The following NUP98 variants were observed in gnomAD, a reference collection of about 807,000 sequenced individuals.
NUP98 encodes nuclear pore complex protein Nup98-Nup96.
In NUP98, 26 loss-of-function variants were observed where a neutral mutation model predicts 191.9. The ratio of observed to expected loss-of-function variants is 0.14; its 90% CI spans 0.10 to 0.19. NUP98 has a LOEUF of 0.19. NUP98 is among the 10% of genes least tolerant of loss of function. NUP98 has a pLI of 1.00. For missense variants in NUP98, 1,941 were observed against 2,178.8 expected (o/e 0.89, Z 2.17); for synonymous variants, 808 against 778.4 (o/e 1.04, Z -0.63).
At chr11:3,717,873 T>C (rs1181473177) in intron 18 of NUP98, among the ~76,000 whole-genome samples, 1 of 152,182 alleles carries the variant, frequency 6.6e-6, no homozygotes, top group Non-Finnish European at 1.5e-5. Flanking sequence ...CTTGTTAAAG[T>C]GGTATGTTTC....
chr11:3,698,965 G>A (rs916629341), intron 25 of NUP98, 117 bp downstream of exon 25: 27 of 1,152,274 alleles, frequency 2.3e-5, no homozygotes, highest in African/African-American at 9.3e-5. Flanking sequence ...TGGGAAGTCC[G>A]CAATTAATAC....
chr11:3,722,681 T>C (rs931862623), intron 16 of NUP98, among the ~76,000 whole-genome samples: 8 of 151,942 alleles, frequency 5.3e-5, no homozygotes. Context: ...CGGGGTGTGG[T>C]ATCATGTGCC....
chr11:3,676,728 G>A lies in NUP98; in HGVS notation c.5074-108C>T, dbSNP rs1395824776. 8 of 891,624 alleles carry A rather than the reference G, an allele frequency of 9.0e-6. No individual in the cohort carries two copies. The Admixed American group carries it at 1.0e-4, about 11-fold the overall frequency. The allele number at this position is 891,624 out of a possible 1,614,324, so 55.2% of individuals were successfully genotyped here. Reference sequence around the variant, plus strand: ...GAAACAACAGTGAGGTGAGGGAGGGGAAAATCCAAGATGATGACACAGGGC... The same window carrying A: ...GAAACAACAGTGAGGTGAGGGAGGGAAAAATCCAAGATGATGACACAGGGC... On this transcript the variant is annotated intron_variant, in intron 31 of 32. Transcript: ENST00000324932.
chr11:3,738,615 T>TA (rs998577619), intron 12 of NUP98, among the ~76,000 whole-genome samples: 2 of 151,432 alleles, frequency 1.3e-5, no homozygotes, highest in African/African-American at 4.8e-5. Flanking sequence ...CTATCTCTAC[T>TA]AAAAAATACA....
At chr11:3,688,307 G>A (rs2078190546) in intron 28 of NUP98, among the ~76,000 whole-genome samples, 1 of 152,144 alleles carries the variant, frequency 6.6e-6, no homozygotes, top group African/African-American at 2.4e-5. Flanking sequence ...TCGGGAAGCT[G>A]AGGCAGGAGA....
chr11:3,715,089 T>C (rs925880422), intron 18 of NUP98, among the ~76,000 whole-genome samples: 2 of 152,234 alleles, frequency 1.3e-5, no homozygotes, highest in Non-Finnish European at 2.9e-5. Context: ...GGCTGCACTG[T>C]TACACATTCC....
At chr11:3,793,309 A>G (rs1211795507) in intron 1 of NUP98, among the ~76,000 whole-genome samples, 3 of 152,024 alleles carry the variant, frequency 2.0e-5, no homozygotes, top group Admixed American at 1.3e-4. Flanking sequence ...TCTTTTTATG[A>G]TATGGAGTCT....
intron 10 of NUP98, 101 bp from the exon 11 acceptor site, chr11:3,753,509 C>A: frequency 2.4e-6 from 2 of 848,024 alleles, no homozygotes; most frequent in East Asian, 2.5e-5. Flanking sequence ...AAGTTGTGAA[C>A]CTTTCAGTTA....
chr11:3,725,035 C>A, intron 15 of NUP98, 68 bp downstream of exon 15: 1 of 700,396 alleles, frequency 1.4e-6, no homozygotes, highest in Non-Finnish European at 2.5e-6. Context: ...TCATAAATTC[C>A]TAAGAATGTC....
chr11:3,791,158 G>A (rs1357589731), intron 1 of NUP98, among the ~76,000 whole-genome samples: 1 of 151,958 alleles, frequency 6.6e-6, no homozygotes, highest in Non-Finnish European at 1.5e-5. Flanking sequence ...GCCTCCCAAA[G>A]TGCTGGGATT....
At chr11:3,787,748 C>T (rs2082191634) in intron 1 of NUP98, among the ~76,000 whole-genome samples, 1 of 152,072 alleles carries the variant, frequency 6.6e-6, no homozygotes, top group Non-Finnish European at 1.5e-5. Flanking sequence ...AATCCCAGCA[C>T]TCCGGGAAGC....
At chr11:3,696,494 T>C (rs1281506206) in intron 25 of NUP98, among the ~76,000 whole-genome samples, 1 of 150,854 alleles carries the variant, frequency 6.6e-6, no homozygotes, top group Non-Finnish European at 1.5e-5. Flanking sequence ...AGACCAAGAC[T>C]CTGTCTTGGT....
At chr11:3,764,879 G>C (rs1166040759) in intron 8 of NUP98, among the ~76,000 whole-genome samples, 1 of 152,066 alleles carries the variant, frequency 6.6e-6, no homozygotes, top group Non-Finnish European at 1.5e-5. Context: ...CGCCCAGCCT[G>C]TTAGTCTTTT....
intron 12 of NUP98, among the ~76,000 whole-genome samples, chr11:3,743,629 A>G (rs1402261550): frequency 6.8e-6 from 1 of 147,258 alleles, no homozygotes; most frequent in Non-Finnish European, 1.5e-5. Context: ...CCTGGGCAAC[A>G]GAGTGAAACT....
At chr11:3,788,665 G>A (rs568174898) in intron 1 of NUP98, among the ~76,000 whole-genome samples, 1 of 152,260 alleles carries the variant, frequency 6.6e-6, no homozygotes, top group Non-Finnish European at 1.5e-5. Context: ...ACTGTATAAG[G>A]CTGGGCACGG....
chr11:3,699,666 T>A (rs542785193), intron 24 of NUP98, among the ~76,000 whole-genome samples: 6 of 152,238 alleles, frequency 3.9e-5, no homozygotes, highest in Non-Finnish European at 7.3e-5. Context: ...TCAAATTCTG[T>A]CTATAAAAAT....
In NUP98 at chr11:3,785,417, C is replaced by A. The variant is rs143179943; in HGVS notation, c.-28-3272G>T. ...GTTCCTGTGGGTTTTCAGTTTGTGA[C>A]TACTGACATAATCAGAGAAAGAACA... is the stretch of plus-strand genomic sequence containing the variant. On this transcript the variant is annotated intron_variant, in intron 1 of 32. Transcript: ENST00000324932. 3.2e-3 allele frequency among the ~76,000 whole-genome samples: 490 copies of A among 152,212 alleles called. 2 individuals are homozygous for A. The highest frequency in any genetic ancestry group is 0.011 in the African/African-American group (461 of 41,528).
At chr11:3,746,269 CAAAAAAAAAAAAA>C (rs66773761) in intron 11 of NUP98, among the ~76,000 whole-genome samples, 3 of 33,926 alleles carry the variant, frequency 8.8e-5, no homozygotes, top group Admixed American at 4.1e-4. Context: ...AACTTTATCT[CAAAAAAAAAAAAA>C]AAAAAAAAAA....
rs1441291801 is a variant in NUP98, at chr11:3,702,695, T to C, written c.3280A>G (p.Thr1094Ala). ...APEVPLKTVG[T>A]RRQLGLVPRE... ...GGGACTAGGCCTAGTTGCCTACGTG[T>C]ACCCACTGTTTTCAACGGAACCTCA... Residue 1094 changes from threonine (T) to alanine (A), a missense_variant, in exon 23 of 33, where the codon ACA (threonine) becomes GCA (alanine). Transcript: ENST00000324932. 3 of 1,614,196 alleles carry C rather than the reference T, an allele frequency of 1.9e-6. No individual in the cohort carries two copies. The highest frequency in any genetic ancestry group is 1.7e-5 in the Admixed American group (1 of 60,018).
Sources: allele counts gnomAD v4.1 joint callset (sites outside exome capture counted in the v4.1 genomes callset), GRCh38; gene constraint gnomAD v4.1.1; transcripts MANE v1.5; gene names NCBI Gene and HGNC (gene_info 2026-07-23, HGNC 2026-07-21).